The following ABTB2 variants were observed in gnomAD, a reference collection of about 807,000 sequenced individuals.
The protein encoded by ABTB2 is ankyrin repeat and BTB/POZ domain-containing protein 2.
Under a neutral mutation model 104.1 loss-of-function variants are expected in ABTB2, and 56 were observed. The observed-to-expected ratio is 0.54, with a 90% CI of 0.43 to 0.67. ABTB2 has a LOEUF of 0.67. ABTB2 is among the 30% of genes least tolerant of loss of function. The pLI is 0.00. For synonymous variants in ABTB2, 606 were observed against 608.2 expected, an observed-to-expected ratio of 1.00 and a Z score of 0.05; for missense variants, 1,279 against 1,407.7, an observed-to-expected ratio of 0.91 and a Z score of 1.46.
chr11:34,160,669 G>A (rs1456630425), intron 11 of ABTB2, among the ~76,000 whole-genome samples: 2 of 102,820 alleles, frequency 1.9e-5, no homozygotes, highest in Non-Finnish European at 3.9e-5. Flanking sequence ...ACGCGCGCGC[G>A]TGTGTGTGTG....
chr11:34,222,309 A>C (rs1853634651), intron 1 of ABTB2, among the ~76,000 whole-genome samples: 1 of 152,160 alleles, frequency 6.6e-6, no homozygotes. Context: ...CTTAGACTTA[A>C]GGTCTGTGTG....
intron 1 of ABTB2, among the ~76,000 whole-genome samples, chr11:34,314,209 T>C (rs910520142): frequency 1.3e-5 from 2 of 152,326 alleles, no homozygotes; most frequent in African/African-American, 4.8e-5. Flanking sequence ...GCTGGATAGA[T>C]GGCCATGTCG....
In ABTB2 at chr11:34,357,503, G is replaced by C. The variant is rs1367931106; in HGVS notation, c.81C>G (p.Cys27Trp). 1 of 1,541,956 alleles carries C rather than the reference G, an allele frequency of 6.5e-7. No homozygotes were observed. The highest frequency in any genetic ancestry group is 2.4e-5 in the East Asian group (1 of 40,894). Residue 27 changes from cysteine (C) to tryptophan (W), a missense_variant, in exon 1 of 17, where the codon TGC (cysteine) becomes TGG (tryptophan). Cys to Trp is a radical substitution (Grantham distance 215). Coordinates refer to ENST00000435224, the MANE Select transcript of ABTB2 (RefSeq NM_145804.3). ...LDSGYGAGDS[C>W]RSLSLSSSKS... is the part of the protein sequence containing the mutation. ...TGGAGGACGAGAGGCTGAGCGAGCG[G>C]CACGAGTCCCCGGCCCCATACCCGG...
chr11:34,250,169 G>T lies in ABTB2; in HGVS notation c.884-45479C>A, dbSNP rs556908213. ...GTTCTAAGAGCACAGAGGAGGGAAG[G>T]CTGGCAAGGTAGATGGAGGCTGAGG... On this transcript the variant is annotated intron_variant, in intron 1 of 16. Coordinates refer to ENST00000435224, the MANE Select transcript of ABTB2 (RefSeq NM_145804.3). Among the ~76,000 whole-genome samples the T allele has an allele frequency of 5.3e-5, 8 of 152,270 alleles. 1 individual carries two copies. The South Asian group carries it at 1.5e-3, about 28-fold the overall frequency.
intron 1 of ABTB2, among the ~76,000 whole-genome samples, chr11:34,334,931 T>C (rs1434441774): frequency 6.6e-6 from 1 of 152,224 alleles, no homozygotes; most frequent in Non-Finnish European, 1.5e-5. Flanking sequence ...TCAACATGTA[T>C]TCAATGATAT....
rs376506239 is a variant in ABTB2, at chr11:34,356,842, C to T, written c.742G>A (p.Ala248Thr). 11 of 1,604,884 alleles carry T rather than the reference C, an allele frequency of 6.9e-6. No individual in the cohort carries two copies. Among genetic ancestry groups the T allele is most frequent in the Non-Finnish European group, 9.4e-6 (11 of 1,175,986 alleles). The change falls in exon 1 of 17, where the codon GCC becomes ACC. Residue 248 changes from alanine to threonine, a missense_variant. By Grantham distance (58) the Ala-to-Thr change is moderately conservative. Coordinates refer to ENST00000435224, the MANE Select transcript of ABTB2 (RefSeq NM_145804.3). This position sits in a 1 kb window ranked among gnomAD's most constrained non-coding sequence, Gnocchi z 4.6. ...LVEEIRARVMASHSPDGGGAG... is the reference protein window; with the variant it reads ...LVEEIRARVMTSHSPDGGGAG... The stretch of plus-strand genomic sequence containing the variant: ...CCTCCGCCATCAGGGCTGTGGCTGG[C>T]CATCACCCTGGCCCGGATCTCCTCC...
chr11:34,210,208 G>A lies in ABTB2; in HGVS notation c.884-5518C>T, dbSNP rs567856627. ...TGATGGGGATTTCATTCCCTTCTCT[G>A]TAAACCACGGGGGTGGAATCTATGG... On this transcript the variant is annotated intron_variant, in intron 1 of 16. Transcript: ENST00000435224. 3.9e-5 allele frequency among the ~76,000 whole-genome samples: 6 copies of A among 152,262 alleles called. No individual in the cohort carries two copies. The South Asian group carries it at 1.0e-3, about 26-fold the overall frequency.
intron 1 of ABTB2, among the ~76,000 whole-genome samples, chr11:34,277,619 C>T (rs1325854448): frequency 6.7e-6 from 1 of 148,806 alleles, no homozygotes; most frequent in Non-Finnish European, 1.5e-5. Context: ...CCCATCTCTA[C>T]AAAAATCAAA....
chr11:34,245,658 G>A (rs554859013), intron 1 of ABTB2, among the ~76,000 whole-genome samples: 6 of 152,276 alleles, frequency 3.9e-5, no homozygotes, highest in South Asian at 2.1e-4. Context: ...GGTGGCTCAC[G>A]GGGCTGCCAC....
intron 1 of ABTB2, among the ~76,000 whole-genome samples, chr11:34,225,681 G>A (rs1853676731): frequency 2.0e-5 from 3 of 152,090 alleles, no homozygotes; most frequent in African/African-American, 4.8e-5. Context: ...CTTGAACCAG[G>A]GAGGCAGAGG....
At chr11:34,284,841 C>A (rs961157430) in intron 1 of ABTB2, among the ~76,000 whole-genome samples, 1 of 152,256 alleles carries the variant, frequency 6.6e-6, no homozygotes, top group Admixed American at 6.5e-5. Context: ...GCACACACCC[C>A]ACCTGATACC....
intron 3 of ABTB2, among the ~76,000 whole-genome samples, chr11:34,181,851 G>C (rs1359642900): frequency 6.6e-6 from 1 of 152,196 alleles, no homozygotes; most frequent in Non-Finnish European, 1.5e-5. Flanking sequence ...GGCCCCAGTG[G>C]TTCCTACCTT....
intron 1 of ABTB2, among the ~76,000 whole-genome samples, chr11:34,230,004 C>G (rs1853747675): frequency 6.6e-6 from 1 of 152,152 alleles, no homozygotes; most frequent in Non-Finnish European, 1.5e-5. Context: ...TTCTGAAGCT[C>G]ACTGTTGTTC....
At chr11:34,191,429 C>CG (rs1157695574) in intron 3 of ABTB2, among the ~76,000 whole-genome samples, 2 of 152,226 alleles carry the variant, frequency 1.3e-5, no homozygotes, top group Non-Finnish European at 2.9e-5. Context: ...CTACCAGGAT[C>CG]TCACCTGGAC....
At chr11:34,180,341 G>A (rs1853011589) in intron 3 of ABTB2, among the ~76,000 whole-genome samples, 1 of 152,246 alleles carries the variant, frequency 6.6e-6, no homozygotes, top group South Asian at 2.1e-4. Flanking sequence ...CAACAGCAAG[G>A]AACACAGACC....
At position 34,152,559 on chromosome 11, in the gene ABTB2, A is replaced by G; in HGVS notation, c.2906T>C (p.Leu969Pro). The G allele has an allele frequency of 6.2e-7, 1 of 1,612,818 alleles. No individual in the cohort carries two copies. The highest frequency in any genetic ancestry group is 8.5e-7 in the Non-Finnish European group (1 of 1,179,678). ...CTTGAGGAAGAAGCCCTCACAGAAC[A>G]GGGCCAGTTCTGGGGCATTGTGGAT... is the stretch of plus-strand genomic sequence containing the variant. ...AKIHNAPELA[L>P]FCEGFFLKHM... The change falls in exon 17 of 17, where the codon CTG (leucine) becomes CCG (proline). Residue 969 changes from leucine to proline, a missense_variant. Coordinates refer to ENST00000435224, the MANE Select transcript of ABTB2 (RefSeq NM_145804.3).
In ABTB2 at chr11:34,348,354, A is replaced by G. The variant is rs984316196; in HGVS notation, c.883+8347T>C. On this transcript the variant is annotated intron_variant, in intron 1 of 16. Transcript: ENST00000435224. ...CTCTGGCAGGCTTCTTAACATCTGG[A>G]TAAAAGATGTGGGAAAGCTTTCCTT... 6.6e-5 allele frequency among the ~76,000 whole-genome samples: 10 copies of G among 152,188 alleles called. No individual in the cohort carries two copies. The South Asian group carries it at 2.1e-3, about 32-fold the overall frequency.
intron 7 of ABTB2, among the ~76,000 whole-genome samples, chr11:34,165,611 C>T (rs773064293): frequency 9.2e-5 from 14 of 152,324 alleles, no homozygotes; most frequent in Admixed American, 6.5e-4. Context: ...GAGCTTTTTC[C>T]GTCTTTCAAA....
chr11:34,348,957 T>A (rs895734853), intron 1 of ABTB2, among the ~76,000 whole-genome samples: 5 of 152,168 alleles, frequency 3.3e-5, no homozygotes, highest in African/African-American at 1.2e-4. Flanking sequence ...TCCATTGCCT[T>A]GGATGTAGCT....
Sources: allele counts gnomAD v4.1 joint callset (sites outside exome capture counted in the v4.1 genomes callset), GRCh38; gene constraint gnomAD v4.1.1; non-coding constraint Gnocchi (gnomAD v3.1); transcripts MANE v1.5; gene names NCBI Gene and HGNC (gene_info 2026-07-23, HGNC 2026-07-21).